BMPR1A: variants seen among roughly 807,000 people sequenced by gnomAD.
BMPR1A encodes bone morphogenetic protein receptor type-1A.
Under a neutral mutation model 66.0 loss-of-function variants are expected in BMPR1A, and 7 were observed. The ratio of observed to expected loss-of-function variants is 0.11; its 90% CI spans 0.06 to 0.20. The LOEUF is 0.20. Ranked by LOEUF, BMPR1A falls within the 10% of genes least tolerant of loss-of-function variation. BMPR1A has a pLI of 1.00. For synonymous variants in BMPR1A, 200 were observed against 229.7 expected (o/e 0.87, Z 1.17); for missense variants, 408 against 669.1 (o/e 0.61, Z 4.31).
intron 1 of BMPR1A, among the ~76,000 whole-genome samples, chr10:86,762,689 G>T (rs1841087867): frequency 6.6e-6 from 1 of 151,900 alleles, no homozygotes. Flanking sequence ...TAAGGCCTGG[G>T]TAGAGAAGAT....
In BMPR1A at chr10:86,824,105, G is replaced by GTGTGTGTGTGTGTT. The variant is rs150991310; in HGVS notation, c.-267-14753_-267-14752insGTGTGTTTGTGTGT. 6.8e-3 allele frequency among the ~76,000 whole-genome samples: 1,006 copies of GTGTGTGTGTGTGTT among 147,376 alleles called. 10 individuals are homozygous for GTGTGTGTGTGTGTT. The highest frequency in any genetic ancestry group is 0.017 in the African/African-American group (685 of 40,552). On this transcript the variant is annotated intron_variant, in intron 1 of 12. Transcript: ENST00000372037. ...GTTGTGTGTGTGTGTGTGTGTGTGT[G>GTGTGTGTGTGTGTT]TGTGTGTTTCTTTCAGTCTCACTTG...
In BMPR1A at chr10:86,923,463, A is replaced by G. The variant is rs767995260; in HGVS notation, c.1430A>G (p.Lys477Arg). The change falls in exon 12 of 13, where the codon AAA (lysine) becomes AGA (arginine). Residue 477 changes from lysine to arginine, a missense_variant. Around this residue, in one of 5 missense-constraint regions of BMPR1A, gnomAD observed 130 missense variants for 257.3 expected, o/e 0.51. Coordinates refer to ENST00000372037, the MANE Select transcript of BMPR1A (RefSeq NM_004329.3). ...GATATGCGTGAGGTTGTGTGTGTCA[A>G]ACGTTTGCGGCCAATTGTGTCTAAT... is the stretch of plus-strand genomic sequence containing the variant. ...YEDMREVVCV[K>R]RLRPIVSNRW... 8 of 1,614,234 alleles carry G rather than the reference A, an allele frequency of 5.0e-6. No individual in the cohort carries two copies. Among genetic ancestry groups the G allele is most frequent in the East Asian group, 2.2e-5 (1 of 44,888 alleles).
At chr10:86,792,636 A>T (rs890296472) in intron 1 of BMPR1A, among the ~76,000 whole-genome samples, 4 of 152,146 alleles carry the variant, frequency 2.6e-5, no homozygotes, top group African/African-American at 9.7e-5. Flanking sequence ...TCTCTATAAA[A>T]CAAACAAACA....
At chr10:86,769,236 A>G (rs367869624) in intron 1 of BMPR1A, among the ~76,000 whole-genome samples, 1 of 152,318 alleles carries the variant, frequency 6.6e-6, no homozygotes, top group East Asian at 1.9e-4. Flanking sequence ...TTTCCCACCA[A>G]TGTCAAACAA....
intron 5 of BMPR1A, among the ~76,000 whole-genome samples, chr10:86,895,653 T>C (rs987240975): frequency 2.6e-5 from 4 of 152,220 alleles, no homozygotes; most frequent in Admixed American, 2.0e-4. Context: ...ATAAGATTAA[T>C]GATGAATCTT....
At chr10:86,932,276 C>T (rs1341199558), downstream of BMPR1A, 1 of 152,204 alleles carries the variant, frequency 6.6e-6, no homozygotes, top group East Asian at 1.9e-4. Flanking sequence ...CAATTATGTA[C>T]AATTATCAGA....
chr10:86,918,188 G>A (rs750692059), intron 9 of BMPR1A, among the ~76,000 whole-genome samples: 5 of 152,092 alleles, frequency 3.3e-5, no homozygotes, highest in African/African-American at 4.8e-5. Context: ...CATTGAATTC[G>A]GGCCCACGCT....
chr10:86,902,385 G>A (rs1439998526), intron 7 of BMPR1A, among the ~76,000 whole-genome samples: 1 of 148,116 alleles, frequency 6.8e-6, no homozygotes, highest in Non-Finnish European at 1.5e-5. Context: ...TTTTTTTCAT[G>A]CTGCGTTACC....
intron 7 of BMPR1A, among the ~76,000 whole-genome samples, chr10:86,906,044 C>G (rs556433584): frequency 2.6e-5 from 4 of 152,198 alleles, no homozygotes; most frequent in East Asian, 1.9e-4. Context: ...TTTCTTTAAC[C>G]TCTTGGAGTG....
intron 3 of BMPR1A, among the ~76,000 whole-genome samples, chr10:86,882,810 C>CA (rs1409645348): frequency 6.6e-6 from 1 of 151,468 alleles, no homozygotes; most frequent in African/African-American, 2.4e-5. Context: ...ACTAAAAATA[C>CA]AAAAAATTAG....
intron 1 of BMPR1A, among the ~76,000 whole-genome samples, chr10:86,764,026 C>T (rs964763268): frequency 2.0e-5 from 3 of 152,056 alleles, no homozygotes; most frequent in South Asian, 2.1e-4. Context: ...CTCCTGACCT[C>T]GTGATCCTCC....
downstream of BMPR1A, chr10:86,928,049 T>C (rs1843768234): frequency 5.8e-6 from 1 of 171,118 alleles, no homozygotes; most frequent in East Asian, 1.1e-4. Flanking sequence ...TTGTAATGAT[T>C]AAGTTAGTGT....
In BMPR1A at chr10:86,860,896, CA is replaced by C. The variant is rs202003369; in HGVS notation, c.-152-14970del. On this transcript the variant is annotated intron_variant, in intron 2 of 12. Coordinates refer to ENST00000372037, the MANE Select transcript of BMPR1A (RefSeq NM_004329.3). ...TCGCTCTGCCGCCCAGGCTGGAGTG[CA>C]GTGGCATGATCTCGGCTCACTGCAA... Among the ~76,000 whole-genome samples, 1,310 of 144,688 alleles carry C rather than the reference CA, an allele frequency of 9.1e-3. 15 individuals are homozygous for C. The highest frequency in any genetic ancestry group is 0.033 in the African/African-American group (1,262 of 38,638). The allele number at this position is 144,688 out of a possible 152,430, so 94.9% of individuals were successfully genotyped here. A position where few individuals can be genotyped will look rare whatever the true frequency, so the allele number is the denominator to read the frequency against.
chr10:86,760,244 CTTT>C (rs36100485), intron 1 of BMPR1A, among the ~76,000 whole-genome samples: 1,504 of 27,824 alleles, frequency 0.054, 75 homozygotes, highest in African/African-American at 0.19. Context: ...TTCTTTCTTT[CTTT>C]CTTTTTTTTT....
In BMPR1A at chr10:86,925,267, CAATT is replaced by C. The variant is rs1326486643; in HGVS notation, c.*1549_*1552del. ...TTTTTAAATATTTATTCTGAGCAAA[CAATT>C]CATGAGTACATCAAGTGAGATAGTT... On this transcript the variant is annotated 3_prime_UTR_variant, in exon 13 of 13. Transcript: ENST00000372037. 2.7e-5 allele frequency: 6 copies of C among 224,312 alleles called. No individual in the cohort carries two copies. The highest frequency in any genetic ancestry group is 3.7e-4 in the South Asian group (2 of 5,412). The allele number at this position is 224,312 out of a possible 1,614,324, so 13.9% of individuals were successfully genotyped here. A position where few individuals can be genotyped will look rare whatever the true frequency, so the allele number is the denominator to read the frequency against.
chr10:86,768,913 C>T (rs1349526885), intron 1 of BMPR1A, among the ~76,000 whole-genome samples: 1 of 135,878 alleles, frequency 7.4e-6, no homozygotes, highest in Non-Finnish European at 1.5e-5. Flanking sequence ...GAGTGCAGTT[C>T]AGTGCTTAAC....
At chr10:86,902,459 A>C (rs10887668) in intron 7 of BMPR1A, among the ~76,000 whole-genome samples, 33,336 of 151,950 alleles carry the variant, frequency 0.22, 6,067 homozygotes, top group African/African-American at 0.5. Context: ...CTTCAGCCAC[A>C]TAGTAAAGAA....
At chr10:86,790,207 A>ATATATATATATG (rs1254659522) in intron 1 of BMPR1A, among the ~76,000 whole-genome samples, 11 of 43,000 alleles carry the variant, frequency 2.6e-4, no homozygotes, top group Non-Finnish European at 3.7e-4. Context: ...ATATATATAT[A>ATATATATATATG]TATATATATA....
chr10:86,869,671 C>A (rs933438193), intron 2 of BMPR1A, among the ~76,000 whole-genome samples: 1 of 151,664 alleles, frequency 6.6e-6, no homozygotes, highest in Non-Finnish European at 1.5e-5. Context: ...GCGGGAGAAT[C>A]GCTTGAACCC....
Sources: allele counts gnomAD v4.1 joint callset (sites outside exome capture counted in the v4.1 genomes callset), GRCh38; gene constraint gnomAD v4.1.1; regional missense constraint gnomAD v4.1.1; transcripts MANE v1.5; gene names NCBI Gene and HGNC (gene_info 2026-07-23, HGNC 2026-07-21).